The following SEC63 variants were observed in gnomAD, a reference collection of about 807,000 sequenced individuals.
SEC63 encodes the protein SEC63 protein translocation regulator.
In SEC63, 56 loss-of-function variants were observed where a neutral mutation model predicts 116.2. The observed-to-expected ratio is 0.48, with a 90% confidence interval of 0.39 to 0.60. The LOEUF is 0.60. Ranked by LOEUF, SEC63 falls within the 20% of genes least tolerant of loss-of-function variation. The pLI is 0.00. For synonymous variants in SEC63, 273 were observed against 294.6 expected (o/e 0.93, Z 0.75); for missense variants, 668 against 900.0 (o/e 0.74, Z 3.30).
chr6:107,946,726 A>G (rs1770488025), intron 1 of SEC63, among the ~76,000 whole-genome samples: 3 of 152,058 alleles, frequency 2.0e-5, no homozygotes, highest in African/African-American at 7.2e-5. Flanking sequence ...TTCCTTCAAG[A>G]GCTAAAGCCT....
rs116664363 is a variant in SEC63 at position 107,868,017 on chromosome 6, G to C, written c.*3687C>G. ...AGGTTACAGAAATATGTACAAGATC[G>C]CATCTTTTTAAGTTTTGCAAAATAG... is the stretch of plus-strand genomic sequence containing the variant. On this transcript the variant is annotated 3_prime_UTR_variant, in exon 21 of 21. Transcript: ENST00000369002. The C allele has an allele frequency of 1.3e-5, 2 of 152,148 alleles. No homozygotes were observed. Among genetic ancestry groups the C allele is most frequent in the Admixed American group, 6.5e-5 (1 of 15,292 alleles). 9.4% of individuals were successfully genotyped at this position (152,148 alleles called of 1,614,324 possible). A position where few individuals can be genotyped will look rare whatever the true frequency, so the allele number is the denominator to read the frequency against.
At chr6:107,910,788 A>G (rs910442110) in intron 7 of SEC63, among the ~76,000 whole-genome samples, 2 of 152,014 alleles carry the variant, frequency 1.3e-5, no homozygotes, top group African/African-American at 4.8e-5. Flanking sequence ...TTTTTCTTTG[A>G]GACAGAGTCT....
At chr6:107,923,260 T>C (rs1446432468) in intron 3 of SEC63, among the ~76,000 whole-genome samples, 1 of 151,902 alleles carries the variant, frequency 6.6e-6, no homozygotes, top group Non-Finnish European at 1.5e-5. Flanking sequence ...CACAGGGGTG[T>C]GTCACCACGT....
intron 10 of SEC63, among the ~76,000 whole-genome samples, chr6:107,906,212 GC>G (rs1239016304): frequency 6.6e-6 from 1 of 152,138 alleles, no homozygotes. Context: ...CTCTGCCTTT[GC>G]CTGCTCTGGC....
intron 2 of SEC63, among the ~76,000 whole-genome samples, chr6:107,927,697 C>T (rs371315340): frequency 3.4e-4 from 52 of 152,218 alleles, no homozygotes; most frequent in East Asian, 2.1e-3. Context: ...AAAATACATG[C>T]GTCCCTTGGT....
intron 3 of SEC63, among the ~76,000 whole-genome samples, chr6:107,924,007 G>A (rs931841559): frequency 4.6e-5 from 7 of 152,178 alleles, no homozygotes; most frequent in Non-Finnish European, 7.3e-5. Context: ...GCTCACGCCT[G>A]TAATCCCAGC....
chr6:107,951,047 C>T (rs941323752), intron 1 of SEC63, among the ~76,000 whole-genome samples: 2 of 152,256 alleles, frequency 1.3e-5, no homozygotes, highest in African/African-American at 4.8e-5. Flanking sequence ...TATGCACTTA[C>T]AAATAATGGT....
In SEC63 at chr6:107,937,123, A is replaced by AT. The variant is rs3062082; in HGVS notation, c.125-7610dup. The stretch of plus-strand genomic sequence containing the variant: ...GTATTCTACAGTGTATATGTACCAC[A>AT]TTTTTTTTTTTTTTTTGAGACAGAG... On this transcript the variant is annotated intron_variant, in intron 1 of 20. Transcript: ENST00000369002. Among the ~76,000 whole-genome samples, 819 of 129,874 alleles carry AT rather than the reference A, an allele frequency of 6.3e-3. 18 individuals carry two copies. The highest frequency in any genetic ancestry group is 0.017 in the African/African-American group (585 of 34,142). 85.2% of individuals were successfully genotyped at this position (129,874 alleles called of 152,430 possible).
intron 1 of SEC63, among the ~76,000 whole-genome samples, chr6:107,944,383 AAGTCTGG>A (rs1770438741): frequency 6.6e-6 from 1 of 152,196 alleles, no homozygotes; most frequent in Non-Finnish European, 1.5e-5. Flanking sequence ...TTATACACAC[AAGTCTGG>A]AGTCTGAGGA....
intron 8 of SEC63, among the ~76,000 whole-genome samples, chr6:107,908,088 A>G (rs556160249): frequency 3.9e-5 from 6 of 152,376 alleles, no homozygotes; most frequent in African/African-American, 1.4e-4. Context: ...ACAGTCATAT[A>G]TGACCATGAG....
At chr6:107,893,423 A>C in intron 16 of SEC63, 59 bp downstream of exon 16, 1 of 1,526,574 alleles carries the variant, frequency 6.6e-7, no homozygotes, top group Non-Finnish European at 9.1e-7. Context: ...GTAAGACTTG[A>C]ACATTTTAGT....
chr6:107,939,906 T>C (rs919118782), intron 1 of SEC63, among the ~76,000 whole-genome samples: 1 of 152,134 alleles, frequency 6.6e-6, no homozygotes, highest in Non-Finnish European at 1.5e-5. Flanking sequence ...AAAATAAAAG[T>C]CATCCAGTAA....
intron 1 of SEC63, chr6:107,930,197 T>TTG (rs1787768360): frequency 6.8e-6 from 1 of 147,606 alleles, no homozygotes; most frequent in East Asian, 1.9e-4. Context: ...TTTTTTTTTT[T>TTG]GTAGAAACTG....
At position 107,875,449 on chromosome 6, in the gene SEC63, C is replaced by A. The variant is rs559555262; in HGVS notation, c.2034+1115G>T. On this transcript the variant is annotated intron_variant, in intron 19 of 20. Coordinates refer to ENST00000369002, the MANE Select transcript of SEC63 (RefSeq NM_007214.5). ...CAGTGGCTCATGCCTGTAATCCCGG[C>A]ACTTTGGGAGGCCAAAGCAGGCGGA... is the stretch of plus-strand genomic sequence containing the variant. 2.6e-5 allele frequency among the ~76,000 whole-genome samples: 4 copies of A among 152,256 alleles called. No homozygotes were observed. The East Asian group carries it at 7.7e-4, about 29-fold the overall frequency.
rs1205188087 is a variant in SEC63 at position 107,869,732 on chromosome 6, G to A, written c.*1972C>T. 3 of 149,132 alleles carry A rather than the reference G, an allele frequency of 2.0e-5. No homozygotes were observed. Among genetic ancestry groups the A allele is most frequent in the Middle Eastern group, 3.5e-3 (1 of 284 alleles). The allele number at this position is 149,132 out of a possible 1,614,324, so 9.2% of individuals were successfully genotyped here. A position where few individuals can be genotyped will look rare whatever the true frequency, so the allele number is the denominator to read the frequency against. ...GAAGTACATACACATCACACAAAGAGAAAAGGAAAACAAACTGGTGGAATT... is the reference window on the plus strand; with the variant it reads ...GAAGTACATACACATCACACAAAGAAAAAAGGAAAACAAACTGGTGGAATT... On this transcript the variant is annotated 3_prime_UTR_variant, in exon 21 of 21. Coordinates refer to ENST00000369002, the MANE Select transcript of SEC63 (RefSeq NM_007214.5).
At chr6:107,910,275 G>C (rs1787244248) in intron 7 of SEC63, among the ~76,000 whole-genome samples, 1 of 152,028 alleles carries the variant, frequency 6.6e-6, no homozygotes, top group South Asian at 2.1e-4. Flanking sequence ...AGACCAGCCT[G>C]GGCAACGTGG....
chr6:107,899,084 C>G (rs1480020197), intron 13 of SEC63, among the ~76,000 whole-genome samples: 1 of 152,168 alleles, frequency 6.6e-6, no homozygotes, highest in Non-Finnish European at 1.5e-5. Flanking sequence ...TGTGAAATAA[C>G]TACATGAATG....
intron 11 of SEC63, 86 bp downstream of exon 11, chr6:107,904,543 G>A (rs17068976): frequency 1.0e-4 from 104 of 1,000,928 alleles, no homozygotes; most frequent in Non-Finnish European, 1.6e-4. Context: ...AGAAGTCTGA[G>A]TACCCATAAA....
intron 1 of SEC63, among the ~76,000 whole-genome samples, chr6:107,939,534 G>T (rs1256387271): frequency 6.6e-6 from 1 of 152,040 alleles, no homozygotes; most frequent in Non-Finnish European, 1.5e-5. Flanking sequence ...GACGGATCGC[G>T]TGAGGTCAGG....
Sources: gnomAD v4.1 joint callset for allele counts (sites outside exome capture counted in the v4.1 genomes callset) on GRCh38, gnomAD v4.1.1 for gene constraint, MANE v1.5 for transcripts, NCBI Gene and HGNC (gene_info 2026-07-23, HGNC 2026-07-21) for gene names.